Variants in EXOC2 observed in about 807,000 individuals in gnomAD.
EXOC2 encodes the protein SEC5-like 1.
In EXOC2, 70 loss-of-function variants were observed where a neutral mutation model predicts 131.8. That is an observed-to-expected ratio of 0.53 (90% CI 0.44 to 0.65). The LOEUF is 0.65. Ranked by LOEUF, EXOC2 falls within the 30% of genes least tolerant of loss-of-function variation. EXOC2 has a pLI of 0.00. For missense variants in EXOC2, 923 were observed against 1,108.6 expected (o/e 0.83, Z 2.38); for synonymous variants, 411 against 398.4 (o/e 1.03, Z -0.38).
chr6:552,080 G>A (rs865906606), intron 21 of EXOC2, among the ~76,000 whole-genome samples: 6 of 152,198 alleles, frequency 3.9e-5, no homozygotes, highest in Non-Finnish European at 8.8e-5. Context: ...GCACCCAAGT[G>A]GGGACCATGA....
intron 27 of EXOC2, among the ~76,000 whole-genome samples, chr6:488,029 T>C (rs1763183479): frequency 6.6e-6 from 1 of 152,180 alleles, no homozygotes; most frequent in Non-Finnish European, 1.5e-5. Context: ...GGATGGAAGT[T>C]AGAGAAGCAG....
intron 4 of EXOC2, among the ~76,000 whole-genome samples, chr6:626,480 C>T (rs550075376): frequency 2.2e-4 from 34 of 152,314 alleles, no homozygotes; most frequent in Non-Finnish European, 4.0e-4. Context: ...CCAGTGTGCA[C>T]GCTAGACCGT....
rs140342512 is a variant in EXOC2, at chr6:498,895, T to C, written c.2436+750A>G. On this transcript the variant is annotated intron_variant, in intron 24 of 27. Coordinates refer to ENST00000230449, the MANE Select transcript of EXOC2 (RefSeq NM_018303.6). ...CTTTATCTGGTCCCCCATTAGTCTG[T>C]GAGCCACAGCCACTCTCAAAGTGTT... Among the ~76,000 whole-genome samples the C allele has an allele frequency of 8.8e-3, 1,335 of 152,268 alleles. 13 individuals are homozygous for C. The highest frequency in any genetic ancestry group is 0.011 in the Non-Finnish European group (754 of 68,006).
rs58065449 is a variant in EXOC2 at position 622,757 on chromosome 6, G to A, written c.423-3214C>T. ...AGGCTCTGTCCTAAACAGTTACAAT[G>A]CTTAAATTGGTGGTACTGATGGTAC... On this transcript the variant is annotated intron_variant, in intron 4 of 27. Coordinates refer to ENST00000230449, the MANE Select transcript of EXOC2 (RefSeq NM_018303.6). 3.8e-3 allele frequency among the ~76,000 whole-genome samples: 575 copies of A among 152,298 alleles called. 3 individuals carry two copies. The highest frequency in any genetic ancestry group is 0.013 in the African/African-American group (552 of 41,560).
chr6:523,688 ATTGT>A (rs1765601248), intron 23 of EXOC2, among the ~76,000 whole-genome samples: 2 of 152,194 alleles, frequency 1.3e-5, no homozygotes, highest in African/African-American at 2.4e-5. Flanking sequence ...TTTTAAAAAA[ATTGT>A]TTGTTTTTTG....
intron 25 of EXOC2, 119 bp downstream of exon 25, chr6:497,248 T>A: frequency 1.2e-6 from 1 of 864,542 alleles, no homozygotes; most frequent in South Asian, 1.8e-5. Context: ...AATATGAACT[T>A]CTTCAATCAG....
At chr6:630,871 A>C (rs1032940343) in intron 3 of EXOC2, among the ~76,000 whole-genome samples, 9 of 152,220 alleles carry the variant, frequency 5.9e-5, no homozygotes, top group African/African-American at 2.2e-4. Context: ...TGTATAATGG[A>C]AATAACCAGG....
intron 1 of EXOC2, among the ~76,000 whole-genome samples, chr6:660,300 T>G (rs573490589): frequency 7.9e-5 from 12 of 152,120 alleles, no homozygotes; most frequent in African/African-American, 9.6e-5. Flanking sequence ...CAGCTGATGC[T>G]TTCTGGAAAG....
chr6:508,628 C>T (rs1474998059), intron 23 of EXOC2, among the ~76,000 whole-genome samples: 2 of 152,144 alleles, frequency 1.3e-5, no homozygotes, highest in Admixed American at 1.3e-4. Flanking sequence ...ATCTTAGTGC[C>T]GAGTAATATT....
chr6:668,285 T>A (rs1326430022), intron 1 of EXOC2, among the ~76,000 whole-genome samples: 1 of 152,198 alleles, frequency 6.6e-6, no homozygotes, highest in Non-Finnish European at 1.5e-5. Context: ...ATCATGTCTC[T>A]CCTACAGTCC....
intron 23 of EXOC2, among the ~76,000 whole-genome samples, chr6:523,339 C>T (rs1765577354): frequency 6.6e-6 from 1 of 152,230 alleles, no homozygotes; most frequent in Non-Finnish European, 1.5e-5. Context: ...CGCAGTGCGT[C>T]CACCTCCTAC....
At chr6:598,662 G>A (rs1224256532) in intron 9 of EXOC2, among the ~76,000 whole-genome samples, 198 bp downstream of exon 9, 1 of 152,194 alleles carries the variant, frequency 6.6e-6, no homozygotes, top group Non-Finnish European at 1.5e-5. Context: ...GAACAACCTA[G>A]AGTCGTGGTT....
At position 564,144 on chromosome 6, in the gene EXOC2, C is replaced by A; in HGVS notation, c.1678G>T (p.Glu560Ter). 1 of 1,613,854 alleles carries A rather than the reference C, an allele frequency of 6.2e-7. No homozygotes were observed. The highest frequency in any genetic ancestry group is 8.5e-7 in the Non-Finnish European group (1 of 1,179,926). ...GGAATTTCAAGGGCAGTCAACGATT[C>A]ATGAGTAAGTCTGCGAACAAACACA... Reference protein sequence around the residue: ...HAIQTVRLTHESLTALEIPND... With the variant: ...HAIQTVRLTH Residue 560 changes from glutamate to a stop codon, truncating the protein, a stop_gained, in exon 16 of 28, where the codon GAA (glutamate) becomes TAA (stop). Transcript: ENST00000230449. LOFTEE classifies it high-confidence loss of function.
Position 492,639 on chromosome 6 carries a change from C to A in EXOC2, c.2560-1453G>T, listed in dbSNP as rs558648968. Among the ~76,000 whole-genome samples the A allele has an allele frequency of 4.7e-4, 72 of 152,246 alleles. 3 individuals are homozygous for A. In the South Asian group the frequency reaches 0.014, roughly 30 times the overall value. On this transcript the variant is annotated intron_variant, in intron 25 of 27. Coordinates refer to ENST00000230449, the MANE Select transcript of EXOC2 (RefSeq NM_018303.6). Reference sequence around the variant, plus strand: ...GAAACATTACGCTACATGAAAGAAGCCAGTCACAAAGGGTCATATTTTCAT... The same window carrying A: ...GAAACATTACGCTACATGAAAGAAGACAGTCACAAAGGGTCATATTTTCAT...
chr6:511,122 G>A (rs1017509638), intron 23 of EXOC2, among the ~76,000 whole-genome samples: 14 of 152,230 alleles, frequency 9.2e-5, no homozygotes, highest in African/African-American at 3.4e-4. Context: ...CGTGGTCCCT[G>A]TGGCTACACG....
intron 22 of EXOC2, among the ~76,000 whole-genome samples, chr6:537,333 C>T (rs182558461): frequency 5.1e-4 from 68 of 134,038 alleles, no homozygotes; most frequent in African/African-American, 1.8e-3. Context: ...GCCGACGGAG[C>T]GTACACTCGA....
chr6:650,149 C>G (rs1762767265), intron 1 of EXOC2, among the ~76,000 whole-genome samples: 1 of 152,074 alleles, frequency 6.6e-6, no homozygotes, highest in South Asian at 2.1e-4. Flanking sequence ...TCATATGGTA[C>G]TCTAGATTTA....
intron 25 of EXOC2, among the ~76,000 whole-genome samples, chr6:491,693 T>C (rs1192242601): frequency 3.9e-5 from 6 of 152,110 alleles, no homozygotes; most frequent in African/African-American, 7.2e-5. Flanking sequence ...CACAGCTGCT[T>C]TTTTTTTCCT....
intron 4 of EXOC2, among the ~76,000 whole-genome samples, chr6:626,115 C>G (rs775264651): frequency 2.6e-5 from 4 of 152,112 alleles, no homozygotes; most frequent in Non-Finnish European, 5.9e-5. Flanking sequence ...CAACTGCCAT[C>G]GTAAAGCAGA....
Sources: gnomAD v4.1 joint callset for allele counts (sites outside exome capture counted in the v4.1 genomes callset) on GRCh38, gnomAD v4.1.1 for gene constraint, MANE v1.5 for transcripts, NCBI Gene and HGNC (gene_info 2026-07-23, HGNC 2026-07-21) for gene names.